CDK5RAP2: variants seen among roughly 807,000 people sequenced by gnomAD.
CDK5RAP2 encodes the protein CDK5 regulatory subunit-associated protein 2.
CDK5RAP2 carries 147 observed loss-of-function variants against 232.9 expected under a neutral mutation model. The ratio of observed to expected loss-of-function variants is 0.63; its 90% CI spans 0.55 to 0.72. The LOEUF is 0.72. Ranked by LOEUF, CDK5RAP2 falls within the 30% of genes least tolerant of loss-of-function variation. CDK5RAP2 has a pLI of 0.00. For missense variants in CDK5RAP2, 2,195 were observed against 2,231.5 expected, an observed-to-expected ratio of 0.98 and a Z score of 0.33; for synonymous variants, 833 against 833.7, an observed-to-expected ratio of 1.00 and a Z score of 0.01.
intron 6 of CDK5RAP2, 104 bp downstream of exon 6, chr9:120,538,937 G>T: frequency 8.0e-7 from 1 of 1,250,514 alleles, no homozygotes. Context: ...GGTAGCTGTT[G>T]TTTCTGCTGA....
intron 35 of CDK5RAP2, among the ~76,000 whole-genome samples, 172 bp from the exon 36 acceptor site, chr9:120,394,810 T>G (rs1240874465): frequency 6.6e-6 from 1 of 152,000 alleles, no homozygotes; most frequent in Non-Finnish European, 1.5e-5. Flanking sequence ...TGGACAAAAC[T>G]CATTGAGGGT....
chr9:120,529,368 G>C (rs748289506), intron 8 of CDK5RAP2, among the ~76,000 whole-genome samples: 29 of 152,222 alleles, frequency 1.9e-4, no homozygotes, highest in Non-Finnish European at 3.7e-4. Flanking sequence ...CTAGGGCGGG[G>C]GCAGGAGTCC....
Position 120,389,172 on chromosome 9 carries a change from T to G in CDK5RAP2, c.*64A>C. 7.4e-7 allele frequency: 1 copy of G among 1,343,882 alleles called. No homozygotes were observed. Among genetic ancestry groups the G allele is most frequent in the East Asian group, 2.3e-5 (1 of 42,672 alleles). The allele number at this position is 1,343,882 out of a possible 1,614,324, so 83.2% of individuals were successfully genotyped here. A position where few individuals can be genotyped will look rare whatever the true frequency, so the allele number is the denominator to read the frequency against. ...TTCCTCAATAAATAGGAACCACACT[T>G]GGAACAAAGAGACAGCGTGAGCTCG... On this transcript the variant is annotated 3_prime_UTR_variant, in exon 38 of 38. Coordinates refer to ENST00000349780, the MANE Select transcript of CDK5RAP2 (RefSeq NM_018249.6).
chr9:120,467,111 C>T (rs2131500304), intron 18 of CDK5RAP2, among the ~76,000 whole-genome samples: 1 of 152,296 alleles, frequency 6.6e-6, no homozygotes, highest in South Asian at 2.1e-4. Flanking sequence ...AGCCCAGGTC[C>T]CAAACAGAAA....
chr9:120,439,351 C>A, intron 24 of CDK5RAP2, 48 bp downstream of exon 24: 8 of 1,481,632 alleles, frequency 5.4e-6, no homozygotes, highest in Non-Finnish European at 7.5e-6. Context: ...AGTGGCAATA[C>A]TGGGGGACTA....
intron 25 of CDK5RAP2, among the ~76,000 whole-genome samples, chr9:120,429,678 T>C (rs1280661652): frequency 5.3e-5 from 8 of 152,284 alleles, no homozygotes; most frequent in Non-Finnish European, 1.0e-4. Context: ...AAAATGGCCA[T>C]ACTGCTCAAG....
intron 32 of CDK5RAP2, 47 bp from the exon 33 acceptor site, chr9:120,404,160 A>G (rs2033271145): frequency 8.3e-7 from 1 of 1,204,214 alleles, no homozygotes; most frequent in Non-Finnish European, 1.2e-6. Flanking sequence ...TGTTGTCAGC[A>G]TTCAAGAGAG....
At position 120,496,872 on chromosome 9, in the gene CDK5RAP2, G is replaced by T. The variant is rs1040706065; in HGVS notation, c.1312-5395C>A. Among the ~76,000 whole-genome samples the T allele has an allele frequency of 4.2e-5, 6 of 141,560 alleles. 1 individual carries two copies. Among genetic ancestry groups the T allele is most frequent in the Admixed American group, 1.4e-4 (2 of 14,748 alleles). The allele number at this position is 141,560 out of a possible 152,430, so 92.9% of individuals were successfully genotyped here. On this transcript the variant is annotated intron_variant, in intron 12 of 37. Coordinates refer to ENST00000349780, the MANE Select transcript of CDK5RAP2 (RefSeq NM_018249.6). ...CCGGCCGCCCCTACTGGGAGGTGGG[G>T]AGCCCCTCTGCCCGGCCACCACCCT...
intron 13 of CDK5RAP2, among the ~76,000 whole-genome samples, chr9:120,490,788 C>T (rs1056140876): frequency 6.6e-5 from 10 of 152,066 alleles, no homozygotes; most frequent in African/African-American, 2.4e-4. Flanking sequence ...GGGTTTATAC[C>T]TTTTTATTCT....
chr9:120,555,562 C>T (rs1006846862), intron 3 of CDK5RAP2, among the ~76,000 whole-genome samples: 1 of 152,114 alleles, frequency 6.6e-6, no homozygotes, highest in African/African-American at 2.4e-5. Flanking sequence ...ATCGATAATA[C>T]CAAGTGCTGA....
At chr9:120,477,709 G>A (rs1192644403) in intron 14 of CDK5RAP2, among the ~76,000 whole-genome samples, 2 of 152,140 alleles carry the variant, frequency 1.3e-5, no homozygotes, top group African/African-American at 4.8e-5. Context: ...CTAGGAAGAC[G>A]CACCAGCTAT....
At chr9:120,447,250 T>C (rs182970517) in intron 22 of CDK5RAP2, among the ~76,000 whole-genome samples, 2 of 152,316 alleles carry the variant, frequency 1.3e-5, no homozygotes, top group East Asian at 1.9e-4. Flanking sequence ...CATCATTCTG[T>C]GGGAGGGCCC....
intron 1 of CDK5RAP2, among the ~76,000 whole-genome samples, chr9:120,574,133 T>C (rs560509115): frequency 6.6e-6 from 1 of 152,338 alleles, no homozygotes; most frequent in African/African-American, 2.4e-5. Context: ...ACACTGAAGT[T>C]TGAAAAATGA....
At chr9:120,476,455 G>C (rs1324191520) in intron 15 of CDK5RAP2, among the ~76,000 whole-genome samples, 1 of 151,984 alleles carries the variant, frequency 6.6e-6, no homozygotes, top group Non-Finnish European at 1.5e-5. Context: ...GGAGGTGGGT[G>C]GATCCTGAGG....
At chr9:120,486,894 G>A (rs1468439066) in intron 14 of CDK5RAP2, among the ~76,000 whole-genome samples, 1 of 152,158 alleles carries the variant, frequency 6.6e-6, no homozygotes, top group East Asian at 1.9e-4. Context: ...TAAGAAATTT[G>A]CTATTGCTGG....
rs756093633 is a variant in CDK5RAP2, at chr9:120,522,801, G to A, written c.1092+2185C>T. ...CAGTGTCAGGCTTGATGCCAACCCT[G>A]TGAACACTGGCTATTTAACTCATGC... On this transcript the variant is annotated intron_variant, in intron 11 of 37. Coordinates refer to ENST00000349780, the MANE Select transcript of CDK5RAP2 (RefSeq NM_018249.6). Among the ~76,000 whole-genome samples, 9 of 152,188 alleles carry A rather than the reference G, an allele frequency of 5.9e-5. No homozygotes were observed. The South Asian group carries it at 1.9e-3, about 31-fold the overall frequency.
chr9:120,559,315 G>A (rs949697814), intron 3 of CDK5RAP2, among the ~76,000 whole-genome samples: 17 of 151,536 alleles, frequency 1.1e-4, no homozygotes, highest in African/African-American at 3.6e-4. Flanking sequence ...ATGAAACCCC[G>A]TCTCTACTAA....
intron 12 of CDK5RAP2, among the ~76,000 whole-genome samples, chr9:120,509,666 T>C (rs1259978692): frequency 6.6e-6 from 1 of 152,216 alleles, no homozygotes; most frequent in Non-Finnish European, 1.5e-5. Flanking sequence ...TCAAAATAGC[T>C]ACCAATTATT....
At chr9:120,546,851 G>A (rs193003397) in intron 4 of CDK5RAP2, among the ~76,000 whole-genome samples, 1 of 152,160 alleles carries the variant, frequency 6.6e-6, no homozygotes, top group Non-Finnish European at 1.5e-5. Flanking sequence ...CGCACAGGCT[G>A]GTCTTAAACT....
Sources: gnomAD v4.1 joint callset for allele counts (sites outside exome capture counted in the v4.1 genomes callset) on GRCh38, gnomAD v4.1.1 for gene constraint, MANE v1.5 for transcripts, NCBI Gene and HGNC (gene_info 2026-07-23, HGNC 2026-07-21) for gene names.